The following DPP10 variants were observed in gnomAD, a reference collection of about 807,000 sequenced individuals.
DPP10 encodes the protein inactive dipeptidyl peptidase 10.
DPP10 carries 33 observed loss-of-function variants against 120.9 expected under a neutral mutation model. That is an observed-to-expected ratio of 0.27 (90% CI 0.21 to 0.37). DPP10 has a LOEUF of 0.37. DPP10 is among the 10% of genes least tolerant of loss of function. The pLI is 1.00. For missense variants in DPP10, 816 were observed against 942.8 expected (o/e 0.87, Z 1.76); for synonymous variants, 337 against 326.1 (o/e 1.03, Z -0.36).
At chr2:114,552,690 T>A (rs1167553442) in intron 1 of DPP10, among the ~76,000 whole-genome samples, 1 of 152,010 alleles carries the variant, frequency 6.6e-6, no homozygotes, top group Non-Finnish European at 1.5e-5. Flanking sequence ...GGATTACAAG[T>A]GTCCACCAAC....
chr2:115,753,804 C>T (rs1024774526), intron 11 of DPP10, among the ~76,000 whole-genome samples: 1 of 152,028 alleles, frequency 6.6e-6, no homozygotes, highest in Non-Finnish European at 1.5e-5. Flanking sequence ...TTCTTAATAC[C>T]AGTTTTTGTA....
At chr2:114,830,750 T>G (rs553267347) in intron 1 of DPP10, among the ~76,000 whole-genome samples, 1 of 152,320 alleles carries the variant, frequency 6.6e-6, no homozygotes, top group African/African-American at 2.4e-5. Flanking sequence ...CATAGTTTCT[T>G]TATCAGGCCT....
chr2:115,367,607 T>G (rs2065155588), intron 3 of DPP10, among the ~76,000 whole-genome samples: 1 of 151,978 alleles, frequency 6.6e-6, no homozygotes, highest in African/African-American at 2.4e-5. Context: ...ATATGTCTTA[T>G]AATTTTTAAA....
chr2:114,581,400 G>A (rs185303056), intron 1 of DPP10, among the ~76,000 whole-genome samples: 4 of 151,946 alleles, frequency 2.6e-5, no homozygotes, highest in African/African-American at 7.2e-5. Flanking sequence ...AGCCAGGATG[G>A]TCTCGACCTC....
chr2:114,852,306 C>T (rs1270259989), intron 1 of DPP10, among the ~76,000 whole-genome samples: 1 of 151,898 alleles, frequency 6.6e-6, no homozygotes, highest in Non-Finnish European at 1.5e-5. Context: ...TCCTGATTGG[C>T]TCACTTTCAT....
In DPP10 at chr2:115,279,655, C is replaced by CTTTTTTTTTTTTTTTTTTTTTTTTTTTTT. The variant is rs70941039; in HGVS notation, c.61-29557_61-29556insTTTTTTTTTTTTTTTTTTTTTTTTTTTTT. ...TTTCTTTCTTTCTTTTTTTCTTCTT[C>CTTTTTTTTTTTTTTTTTTTTTTTTTTTTT]TTTTTTTTTTTTTTTTTTTTTTTTT... On this transcript the variant is annotated intron_variant, in intron 1 of 25. Coordinates refer to ENST00000410059, the MANE Select transcript of DPP10 (RefSeq NM_020868.6). 1.9e-4 allele frequency among the ~76,000 whole-genome samples: 8 copies of CTTTTTTTTTTTTTTTTTTTTTTTTTTTTT among 42,712 alleles called. 1 individual carries two copies. The highest frequency in any genetic ancestry group is 4.4e-4 in the African/African-American group (4 of 9,152). The allele number at this position is 42,712 out of a possible 152,430, so 28.0% of individuals were successfully genotyped here. A position where few individuals can be genotyped will look rare whatever the true frequency, so the allele number is the denominator to read the frequency against.
At chr2:115,089,714 C>T (rs1709081194) in intron 1 of DPP10, among the ~76,000 whole-genome samples, 3 of 152,126 alleles carry the variant, frequency 2.0e-5, no homozygotes, top group Admixed American at 2.0e-4. Context: ...GGAAAAGTGC[C>T]CGATTTTACT....
intron 1 of DPP10, among the ~76,000 whole-genome samples, chr2:114,657,706 G>A (rs1411432639): frequency 3.3e-5 from 5 of 152,292 alleles, no homozygotes; most frequent in African/African-American, 7.2e-5. Flanking sequence ...AACACCATGA[G>A]CAGATGTAGT....
At chr2:115,747,290 G>C (rs1678103262) in intron 10 of DPP10, among the ~76,000 whole-genome samples, 1 of 152,184 alleles carries the variant, frequency 6.6e-6, no homozygotes, top group Non-Finnish European at 1.5e-5. Flanking sequence ...ACGTTGGATG[G>C]AAGACCTTAA....
At chr2:115,003,954 T>C (rs1485221556) in intron 1 of DPP10, among the ~76,000 whole-genome samples, 1 of 152,238 alleles carries the variant, frequency 6.6e-6, no homozygotes, top group Admixed American at 6.5e-5. Context: ...TGTAAGCATA[T>C]GTAACTATAC....
intron 1 of DPP10, among the ~76,000 whole-genome samples, chr2:114,743,323 T>C (rs946948451): frequency 6.6e-6 from 1 of 152,160 alleles, no homozygotes; most frequent in Admixed American, 6.5e-5. Context: ...AATATCATGT[T>C]GTGAGTTTAT....
chr2:115,752,368 C>T (rs978984179), intron 10 of DPP10, among the ~76,000 whole-genome samples: 6 of 152,020 alleles, frequency 3.9e-5, no homozygotes, highest in African/African-American at 1.4e-4. Flanking sequence ...GTATACCTGT[C>T]CAAATGTATG....
intron 24 of DPP10, 63 bp downstream of exon 24, chr2:115,836,809 A>G (rs1689587379): frequency 2.1e-5 from 31 of 1,485,032 alleles, no homozygotes; most frequent in Non-Finnish European, 2.8e-5. Flanking sequence ...GGATACATCT[A>G]AGGACTTGCT....
intron 5 of DPP10, among the ~76,000 whole-genome samples, chr2:115,656,199 A>G (rs1009871446): frequency 2.6e-5 from 4 of 150,996 alleles, no homozygotes; most frequent in Non-Finnish European, 5.9e-5. Context: ...GTGATGATAT[A>G]ATGGGTATAT....
chr2:114,453,781 G>A (rs1000215893), intron 1 of DPP10, among the ~76,000 whole-genome samples: 26 of 152,068 alleles, frequency 1.7e-4, no homozygotes, highest in African/African-American at 6.3e-4. Flanking sequence ...ATCAAAAACT[G>A]TATACTAAAT....
intron 1 of DPP10, among the ~76,000 whole-genome samples, chr2:114,710,766 G>C (rs1280241715): frequency 1.3e-5 from 2 of 152,006 alleles, no homozygotes; most frequent in Admixed American, 6.6e-5. Context: ...AAAATTAAAA[G>C]CACAGATATG....
intron 1 of DPP10, among the ~76,000 whole-genome samples, chr2:115,223,480 A>G (rs1436234577): frequency 6.6e-6 from 1 of 152,148 alleles, no homozygotes; most frequent in African/African-American, 2.4e-5. Context: ...TGTAAAGTAT[A>G]TATAGGAAAC....
At chr2:114,719,761 A>T (rs1394697278) in intron 1 of DPP10, among the ~76,000 whole-genome samples, 1 of 152,220 alleles carries the variant, frequency 6.6e-6, no homozygotes, top group Non-Finnish European at 1.5e-5. Flanking sequence ...TGATTATCCC[A>T]CCACACAATG....
intron 9 of DPP10, among the ~76,000 whole-genome samples, chr2:115,740,928 G>T (rs1366625081): frequency 6.6e-6 from 1 of 152,024 alleles, no homozygotes; most frequent in Non-Finnish European, 1.5e-5. Context: ...CCATTTTTAA[G>T]CCATTTCTTT....
Sources: allele counts gnomAD v4.1 joint callset (sites outside exome capture counted in the v4.1 genomes callset), GRCh38; gene constraint gnomAD v4.1.1; transcripts MANE v1.5; gene names NCBI Gene and HGNC (gene_info 2026-07-23, HGNC 2026-07-21).